The following MSH6 variants were observed in gnomAD, a reference collection of about 807,000 sequenced individuals.
The protein encoded by MSH6 is mutS homolog 6, also known as DNA mismatch repair protein Msh6.
A neutral mutation model predicts 119.1 loss-of-function variants in MSH6; 85 were observed. The observed-to-expected ratio is 0.71, with a 90% CI of 0.60 to 0.85. MSH6 has a LOEUF of 0.85. MSH6 is among the 40% of genes least tolerant of loss of function. MSH6 has a pLI of 0.00. For missense variants in MSH6, 2,163 were observed against 1,655.3 expected, an observed-to-expected ratio of 1.31 and a Z score of -5.32; for synonymous variants, 830 against 586.9, an observed-to-expected ratio of 1.41 and a Z score of -5.99.
At position 47,800,914 on chromosome 2, in the gene MSH6, C is replaced by T. The variant is rs63750111; in HGVS notation, c.2931C>T (p.Tyr977=). The part of the protein sequence containing the change: ...IVYWGIGRNR[Y]QLEIPENFTT... ...ATTGGGGGATTGGTAGGAACCGTTA[C>T]CAGCTGGAAATTCCTGAGAATTTCA... is the stretch of plus-strand genomic sequence containing the variant. Residue 977 remains tyrosine, a synonymous_variant, in exon 4 of 10, where the codon TAC becomes TAT. Transcript: ENST00000234420. 2 of 1,582,744 alleles carry T rather than the reference C, an allele frequency of 1.3e-6. No individual in the cohort carries two copies. The highest frequency in any genetic ancestry group is 1.7e-6 in the Non-Finnish European group (2 of 1,166,216).
Position 47,800,979 on chromosome 2 carries a change from C to T in MSH6, c.2996C>T (p.Thr999Ile), listed in dbSNP as rs1064794488. Residue 999 changes from threonine (T) to isoleucine (I), a missense_variant, in exon 4 of 10, where the codon ACC (threonine) becomes ATC (isoleucine). Coordinates refer to ENST00000234420, the MANE Select transcript of MSH6 (RefSeq NM_000179.3). ...NLPEEYELKS[T>I]KKGCKRYWTK... ...CCAGAAGAATACGAGTTGAAATCTA[C>T]CAAGAAGGGCTGTAAACGATACTGG... 1 of 1,559,884 alleles carries T rather than the reference C, an allele frequency of 6.4e-7. No homozygotes were observed. The highest frequency in any genetic ancestry group is 8.7e-7 in the Non-Finnish European group (1 of 1,155,896).
At chr2:47,791,318 G>T (rs1369020053) in intron 2 of MSH6, among the ~76,000 whole-genome samples, 195 bp downstream of exon 2, 1 of 152,130 alleles carries the variant, frequency 6.6e-6, no homozygotes, top group South Asian at 2.1e-4. Flanking sequence ...GGTTTGTTTT[G>T]TGGAATGGAA....
intron 1 of MSH6, chr2:47,783,981 G>C: frequency 9.7e-7 from 1 of 1,034,770 alleles, no homozygotes; most frequent in Non-Finnish European, 1.2e-6. Flanking sequence ...GGTGCGAAAG[G>C]AGGTTCCTCG....
intron 2 of MSH6, among the ~76,000 whole-genome samples, chr2:47,793,726 T>G (rs111742886): frequency 0.074 from 11,279 of 152,008 alleles, 590 homozygotes; most frequent in Non-Finnish European, 0.11. Flanking sequence ...TTAAAAAATT[T>G]GGCAGAATTA....
Position 47,801,132 on chromosome 2 carries a change from C to T in MSH6, c.3149C>T (p.Ala1050Val), listed in dbSNP as rs1114167732. ...FDKNYKDWQS[A>V]VECIAVLDVL... ...AAAAATTACAAGGACTGGCAGTCTG[C>T]TGTAGAGTGTATCGCAGTGTTGGGT... The change falls in exon 4 of 10, where the codon GCT becomes GTT. Residue 1050 changes from alanine (A) to valine (V), a missense_variant. Coordinates refer to ENST00000234420, the MANE Select transcript of MSH6 (RefSeq NM_000179.3). The T allele has an allele frequency of 6.2e-7, 1 of 1,611,850 alleles. No individual in the cohort carries two copies. The highest frequency in any genetic ancestry group is 8.5e-7 in the Non-Finnish European group (1 of 1,180,000).
intron 2 of MSH6, among the ~76,000 whole-genome samples, chr2:47,794,640 GC>G (rs1486798789): frequency 7.2e-5 from 11 of 152,184 alleles, no homozygotes; most frequent in Non-Finnish European, 1.2e-4. Flanking sequence ...TCTGAACTGG[GC>G]TGCCCTTTCA....
At chr2:47,790,820 C>A in intron 1 of MSH6, 107 bp from the exon 2 acceptor site, 1 of 991,308 alleles carries the variant, frequency 1.0e-6, no homozygotes, top group Non-Finnish European at 1.6e-6. Context: ...AATTTCTGTG[C>A]TTCAATATTA....
In MSH6 at chr2:47,799,870, T is replaced by C. The variant is rs876660921; in HGVS notation, c.1887T>C (p.Asp629=). ...TGATACCCGGCTCCCAGTTTTGGGA[T>C]GCATCCAAAACTTTGAGAACTCTCC... ...EGLIPGSQFW[D]ASKTLRTLLE... is the part of the protein sequence containing the mutation. The change falls in exon 4 of 10, where the codon GAT becomes GAC. Residue 629 remains aspartate, a synonymous_variant. Transcript: ENST00000234420. 1 of 1,614,202 alleles carries C rather than the reference T, an allele frequency of 6.2e-7. No homozygotes were observed. Among genetic ancestry groups the C allele is most frequent in the Admixed American group, 1.7e-5 (1 of 60,028 alleles).
rs63750119 is a variant in MSH6, at chr2:47,806,282, G to A, written c.3725G>A (p.Arg1242His). 2.5e-6 allele frequency: 4 copies of A among 1,613,890 alleles called. No individual in the cohort carries two copies. Among genetic ancestry groups the A allele is most frequent in the African/African-American group, 1.3e-5 (1 of 75,004 alleles). Residue 1242 changes from arginine to histidine, a missense_variant, in exon 8 of 10, where the codon CGT becomes CAT. Arg to His is a conservative substitution (Grantham distance 29, BLOSUM62 0). Coordinates refer to ENST00000234420, the MANE Select transcript of MSH6 (RefSeq NM_000179.3). ...VKELAETIKCRTLFSTHYHSL... is the reference protein window; with the variant it reads ...VKELAETIKCHTLFSTHYHSL... ...GAACTTGCTGAGACTATAAAATGTCGTACATTATTTTCAACTCACTACCAT... is the reference window on the plus strand; with the variant it reads ...GAACTTGCTGAGACTATAAAATGTCATACATTATTTTCAACTCACTACCAT...
At position 47,806,448 on chromosome 2, in the gene MSH6, T is replaced by G. The variant is rs1572746005; in HGVS notation, c.3802-4T>G. On this transcript the variant is annotated splice_region_variant and splice_polypyrimidine_tract_variant and intron_variant, in intron 8 of 9. Transcript: ENST00000234420. The stretch of plus-strand genomic sequence containing the variant: ...ATGTATCGCTAATATTTTTCTTTCT[T>G]AAGGCATGCATGGTAGAAAATGAAT... The G allele has an allele frequency of 6.2e-7, 1 of 1,614,018 alleles. No individual in the cohort carries two copies. Among genetic ancestry groups the G allele is most frequent in the East Asian group, 2.2e-5 (1 of 44,872 alleles).
rs371301277 is a variant in MSH6 at position 47,806,869 on chromosome 2, C to T, written c.*9C>T. The T allele has an allele frequency of 3.8e-6, 6 of 1,597,574 alleles. No homozygotes were observed. The African/African-American group carries it at 8.1e-5, about 22-fold the overall frequency. On this transcript the variant is annotated 3_prime_UTR_variant, in exon 10 of 10. Coordinates refer to ENST00000234420, the MANE Select transcript of MSH6 (RefSeq NM_000179.3). The stretch of plus-strand genomic sequence containing the variant: ...TGATTAAGGAATTATAGACTGACTA[C>T]ATTGGAAGCTTTGAGTTGACTTCTG...
intron 1 of MSH6, chr2:47,789,245 C>T (rs1668577646): frequency 3.3e-6 from 1 of 302,996 alleles, no homozygotes; most frequent in Non-Finnish European, 6.8e-6. Context: ...TTCTTAACAG[C>T]AGAGAAATTA....
In MSH6 at chr2:47,803,378, C is replaced by T. The variant is rs966152822; in HGVS notation, c.3173-42C>T. On this transcript the variant is annotated intron_variant, in intron 4 of 9. Coordinates refer to ENST00000234420, the MANE Select transcript of MSH6 (RefSeq NM_000179.3). Reference sequence around the variant, plus strand: ...TATAAAACACTTAGGCTGATAAAACCCCCAAACGATGAAGCCTCACTTTTA... The same window carrying T: ...TATAAAACACTTAGGCTGATAAAACTCCCAAACGATGAAGCCTCACTTTTA... 8.7e-6 allele frequency: 14 copies of T among 1,613,840 alleles called. No homozygotes were observed. The Admixed American group carries it at 1.8e-4, about 21-fold the overall frequency.
intron 4 of MSH6, among the ~76,000 whole-genome samples, chr2:47,801,610 C>G (rs1048827893): frequency 6.6e-6 from 1 of 151,968 alleles, no homozygotes. Context: ...CTCAAGTGAT[C>G]CTCCTGCCTC....
In MSH6 at chr2:47,795,962, ATGCAACG is replaced by A; in HGVS notation, c.531_537del (p.Arg178MetfsTer4). The stretch of plus-strand genomic sequence containing the variant: ...TGCAAAGCCTGAAATACTGAGAGCA[ATGCAACG>A]TGCAGATGAAGCCTTAAATAAAGAC... On this transcript the variant is annotated frameshift_variant, in exon 3 of 10. Transcript: ENST00000234420. LOFTEE classifies it high-confidence loss of function. 1 of 1,614,186 alleles carries A rather than the reference ATGCAACG, an allele frequency of 6.2e-7. No homozygotes were observed. The highest frequency in any genetic ancestry group is 8.5e-7 in the Non-Finnish European group (1 of 1,180,024).
intron 5 of MSH6, 46 bp from the exon 6 acceptor site, chr2:47,804,864 A>G (rs751874077): frequency 2.1e-6 from 3 of 1,419,792 alleles, no homozygotes; most frequent in Non-Finnish European, 2.0e-6. Flanking sequence ...AGTTTATGAA[A>G]CTGTTACTAC....
intron 1 of MSH6, among the ~76,000 whole-genome samples, chr2:47,787,141 T>C (rs959749393): frequency 1.3e-5 from 2 of 152,078 alleles, no homozygotes; most frequent in Admixed American, 6.6e-5. Flanking sequence ...ATAAGAAAAT[T>C]AGCCAGGCAT....
rs587782106 is a variant in MSH6, at chr2:47,791,035, A to T, written c.369A>T (p.Lys123Asn). The T allele has an allele frequency of 2.5e-6, 4 of 1,614,220 alleles. No homozygotes were observed. The highest frequency in any genetic ancestry group is 3.4e-6 in the Non-Finnish European group (4 of 1,180,040). ...TTGATGGAACATTCATCCGCGAGAA[A>T]GGGAAATCAGTCCGTGTTCATGTAC... is the stretch of plus-strand genomic sequence containing the variant. ...HPFDGTFIREKGKSVRVHVQF... is the reference protein window; with the variant it reads ...HPFDGTFIRENGKSVRVHVQF... Residue 123 changes from lysine (K) to asparagine (N), a missense_variant, in exon 2 of 10, where the codon AAA (lysine) becomes AAT (asparagine). Coordinates refer to ENST00000234420, the MANE Select transcript of MSH6 (RefSeq NM_000179.3).
chr2:47,798,382 C>A (rs1296539631), intron 3 of MSH6, among the ~76,000 whole-genome samples: 1 of 152,170 alleles, frequency 6.6e-6, no homozygotes, highest in South Asian at 2.1e-4. Context: ...CAGACGTGCT[C>A]AGAACACTTA....
Sources: gnomAD v4.1 joint callset for allele counts (sites outside exome capture counted in the v4.1 genomes callset) on GRCh38, gnomAD v4.1.1 for gene constraint, MANE v1.5 for transcripts, NCBI Gene and HGNC (gene_info 2026-07-23, HGNC 2026-07-21) for gene names.